Variants in ZNF207 observed in about 807,000 individuals in gnomAD.
The protein encoded by ZNF207 is BUB3-interacting and GLEBS motif-containing protein ZNF207.
A neutral mutation model predicts 60.2 loss-of-function variants in ZNF207; 24 were observed. The observed-to-expected ratio is 0.40, with a 90% CI of 0.29 to 0.56. The LOEUF is 0.56. Among genes scored for constraint, ZNF207 ranks in the 20% least tolerant of loss-of-function variants. The pLI is 0.49. For synonymous variants in ZNF207, 236 were observed against 194.7 expected (o/e 1.21, Z -1.77); for missense variants, 452 against 636.6 (o/e 0.71, Z 3.12).
chr17:32,376,314 G>T lies in ZNF207; in HGVS notation c.*6555G>T, dbSNP rs1431324799. ...TACCTGGCATTTTTGTTAGAAAATA[G>T]ATTACGTTTTAAAGTAACATTAAAA... On this transcript the variant is annotated 3_prime_UTR_variant, in exon 12 of 12. Transcript: ENST00000394670. The T allele has an allele frequency of 6.6e-6, 1 of 151,848 alleles. No homozygotes were observed. The highest frequency in any genetic ancestry group is 6.6e-5 in the Admixed American group (1 of 15,244). The allele number at this position is 151,848 out of a possible 1,614,324, so 9.4% of individuals were successfully genotyped here.
chr17:32,369,569 T>G (rs749230049), intron 11 of ZNF207, 30 bp from the exon 12 acceptor site: 1 of 1,562,134 alleles, frequency 6.4e-7, no homozygotes, highest in Admixed American at 1.9e-5. Context: ...TAACAATCTA[T>G]TTTTTTGTGT....
At chr17:32,355,643 T>G (rs1904464369) in intron 2 of ZNF207, among the ~76,000 whole-genome samples, 1 of 152,160 alleles carries the variant, frequency 6.6e-6, no homozygotes, top group African/African-American at 2.4e-5. Context: ...CAGATGTCCT[T>G]TGTAAGGACT....
At position 32,362,957 on chromosome 17, in the gene ZNF207, C is replaced by G. The variant is rs1174499539; in HGVS notation, c.643C>G (p.Pro215Ala). The stretch of plus-strand genomic sequence containing the variant: ...AATGATGCCACCTGGACCAGGAATA[C>G]CACCTCTGATGCCTGGAATGCCACC... ...GGMMPPGPGI[P>A]PLMPGMPPGM... Residue 215 changes from proline to alanine, a missense_variant, in exon 7 of 12, where the codon CCA (proline) becomes GCA (alanine). Pro to Ala is a conservative substitution (Grantham distance 27). This residue lies in a region of ZNF207 where 390 missense variants were observed against 461.4 expected (regional missense o/e 0.85). Coordinates refer to ENST00000394670, the MANE Select transcript of ZNF207 (RefSeq NM_001098507.2). The G allele has an allele frequency of 6.2e-7, 1 of 1,613,248 alleles. No homozygotes were observed. The highest frequency in any genetic ancestry group is 1.1e-5 in the South Asian group (1 of 91,010).
Position 32,369,671 on chromosome 17 carries a change from C to T in ZNF207, c.1397C>T (p.Pro466Leu), listed in dbSNP as rs1437091394. 3.8e-6 allele frequency: 6 copies of T among 1,599,002 alleles called. No individual in the cohort carries two copies. In the South Asian group the frequency reaches 5.6e-5, roughly 15 times the overall value. Reference protein sequence around the residue: ...PGAMPPYGQGPPMVPPYQGGP... With the variant: ...PGAMPPYGQGLPMVPPYQGGP... Reference sequence around the variant, plus strand: ...GCTATGCCCCCGTATGGGCAGGGACCGCCAATGGTGCCCCCTTACCAGGGT... The same window carrying T: ...GCTATGCCCCCGTATGGGCAGGGACTGCCAATGGTGCCCCCTTACCAGGGT... The change falls in exon 12 of 12, where the codon CCG (proline) becomes CTG (leucine). Residue 466 changes from proline (P) to leucine (L), a missense_variant. Coordinates refer to ENST00000394670, the MANE Select transcript of ZNF207 (RefSeq NM_001098507.2).
At chr17:32,367,542 C>CA (rs1905261097) in intron 9 of ZNF207, among the ~76,000 whole-genome samples, 1 of 151,784 alleles carries the variant, frequency 6.6e-6, no homozygotes, top group Non-Finnish European at 1.5e-5. Context: ...GTTAAATATG[C>CA]AGTCTTATTT....
chr17:32,364,076 G>A (rs983543392), intron 7 of ZNF207, among the ~76,000 whole-genome samples: 2 of 148,750 alleles, frequency 1.3e-5, no homozygotes, highest in Non-Finnish European at 3.0e-5. Flanking sequence ...TCTGATACTC[G>A]TGCTGATGTG....
chr17:32,351,580 G>C (rs1230845723), intron 1 of ZNF207: 1 of 1,533,924 alleles, frequency 6.5e-7, no homozygotes, highest in African/African-American at 1.4e-5. Flanking sequence ...TTGGGGTGGT[G>C]AAGAGAGCTG....
chr17:32,365,720 G>T, intron 8 of ZNF207: 3 of 207,214 alleles, frequency 1.4e-5, no homozygotes, highest in Non-Finnish European at 1.8e-5. Context: ...TCATAGCTGT[G>T]AACCCTATTT....
Position 32,373,154 on chromosome 17 carries a change from A to G in ZNF207, c.*3395A>G, listed in dbSNP as rs1268263686. 1 of 394,326 alleles carries G rather than the reference A, an allele frequency of 2.5e-6. No homozygotes were observed. Among genetic ancestry groups the G allele is most frequent in the Admixed American group, 3.9e-5 (1 of 25,540 alleles). 24.4% of individuals were successfully genotyped at this position (394,326 alleles called of 1,614,324 possible). ...AATAAAATATTCCTACTGTACTCCT[A>G]TTCCACTAAGTTACATTTTGAACTT... On this transcript the variant is annotated 3_prime_UTR_variant, in exon 12 of 12. Coordinates refer to ENST00000394670, the MANE Select transcript of ZNF207 (RefSeq NM_001098507.2).
In ZNF207 at chr17:32,372,822, A is replaced by G. The variant is rs912579984; in HGVS notation, c.*3063A>G. On this transcript the variant is annotated 3_prime_UTR_variant, in exon 12 of 12. Transcript: ENST00000394670. ...TTAAGTAGTAGATGAAGTTGAGTCA[A>G]AGTGGATGCCAACTGCCCTCACAGA... 2 of 152,198 alleles carry G rather than the reference A, an allele frequency of 1.3e-5. No individual in the cohort carries two copies. The highest frequency in any genetic ancestry group is 4.8e-5 in the African/African-American group (2 of 41,446). The allele number at this position is 152,198 out of a possible 1,614,324, so 9.4% of individuals were successfully genotyped here.
intron 2 of ZNF207, among the ~76,000 whole-genome samples, chr17:32,357,329 TA>T (rs1904566480): frequency 2.3e-5 from 2 of 88,576 alleles, no homozygotes; most frequent in African/African-American, 9.4e-5. Flanking sequence ...TTATTATTAT[TA>T]TTATTATTAT....
intron 8 of ZNF207, 124 bp downstream of exon 8, chr17:32,365,611 T>G: frequency 1.2e-6 from 1 of 858,180 alleles, no homozygotes. Flanking sequence ...TATTATTTAT[T>G]AAATATACTA....
intron 2 of ZNF207, among the ~76,000 whole-genome samples, chr17:32,355,730 C>T (rs746482369): frequency 1.3e-5 from 2 of 152,074 alleles, no homozygotes; most frequent in South Asian, 4.1e-4. Context: ...TAAAAGGAAT[C>T]GTCTAAGGAG....
Position 32,370,219 on chromosome 17 carries a change from A to G in ZNF207, c.*460A>G, listed in dbSNP as rs1270421488. ...AAGTACTTGTACATTGGAAGTCTGAATGTGTAACAATATTTAATGTATTTA... is the reference window on the plus strand; with the variant it reads ...AAGTACTTGTACATTGGAAGTCTGAGTGTGTAACAATATTTAATGTATTTA... On this transcript the variant is annotated 3_prime_UTR_variant, in exon 12 of 12. Coordinates refer to ENST00000394670, the MANE Select transcript of ZNF207 (RefSeq NM_001098507.2). 3 of 152,998 alleles carry G rather than the reference A, an allele frequency of 2.0e-5. No individual in the cohort carries two copies. In the Admixed American group the frequency reaches 2.0e-4, roughly 10 times the overall value. The allele number at this position is 152,998 out of a possible 1,614,324, so 9.5% of individuals were successfully genotyped here.
rs1001772844 is a variant in ZNF207, at chr17:32,377,131, G to A, written c.*7372G>A. The stretch of plus-strand genomic sequence containing the variant: ...ACATGGACCAATAGTGATTATTTGG[G>A]AGAGAACACTGGGTAGTATTGTTTG... On this transcript the variant is annotated 3_prime_UTR_variant, in exon 12 of 12. Transcript: ENST00000394670. 1 of 152,038 alleles carries A rather than the reference G, an allele frequency of 6.6e-6. No homozygotes were observed. Among genetic ancestry groups the A allele is most frequent in the African/African-American group, 2.4e-5 (1 of 41,434 alleles). The allele number at this position is 152,038 out of a possible 1,614,324, so 9.4% of individuals were successfully genotyped here.
intron 5 of ZNF207, chr17:32,361,175 A>G (rs1460574532): frequency 1.6e-6 from 1 of 617,532 alleles, no homozygotes; most frequent in Non-Finnish European, 2.8e-6. Context: ...TTTAGGGTAT[A>G]TGTAAGCAAC....
chr17:32,369,683 C>T lies in ZNF207; in HGVS notation c.1409C>T (p.Pro470Leu). Residue 470 changes from proline to leucine, a missense_variant, in exon 12 of 12, where the codon CCC (proline) becomes CTC (leucine). Pro to Leu is a moderately conservative substitution (Grantham distance 98, BLOSUM62 -3). This residue lies in a region of ZNF207 where 390 missense variants were observed against 461.4 expected (regional missense o/e 0.85). Coordinates refer to ENST00000394670, the MANE Select transcript of ZNF207 (RefSeq NM_001098507.2). ...TATGGGCAGGGACCGCCAATGGTGC[C>T]CCCTTACCAGGGTGGGCCTCCTCGA... ...PPYGQGPPMV[P>L]PYQGGPPRPP... The T allele has an allele frequency of 6.3e-7, 1 of 1,598,648 alleles. No individual in the cohort carries two copies.
chr17:32,351,942 C>T (rs754102275), intron 2 of ZNF207, 30 bp downstream of exon 2: 11 of 1,485,966 alleles, frequency 7.4e-6, no homozygotes, highest in African/African-American at 2.9e-5. Context: ...ATTTATTGTC[C>T]GCTTGTGATT....
chr17:32,373,338 C>A lies in ZNF207; in HGVS notation c.*3579C>A. On this transcript the variant is annotated 3_prime_UTR_variant, in exon 12 of 12. Coordinates refer to ENST00000394670, the MANE Select transcript of ZNF207 (RefSeq NM_001098507.2). ...ATTTTTAAAAAAAAAAATTTTAATGCATGTCTTTTAAATTAATTGGGAACT... is the reference window on the plus strand; with the variant it reads ...ATTTTTAAAAAAAAAAATTTTAATGAATGTCTTTTAAATTAATTGGGAACT... 1 of 643,974 alleles carries A rather than the reference C, an allele frequency of 1.6e-6. No homozygotes were observed. The allele number at this position is 643,974 out of a possible 1,614,324, so 39.9% of individuals were successfully genotyped here.
Sources: allele counts gnomAD v4.1 joint callset (sites outside exome capture counted in the v4.1 genomes callset), GRCh38; gene constraint gnomAD v4.1.1; regional missense constraint gnomAD v4.1.1; transcripts MANE v1.5; gene names NCBI Gene and HGNC (gene_info 2026-07-23, HGNC 2026-07-21).